Variants in RASAL1 observed in about 807,000 individuals in gnomAD.
The protein encoded by RASAL1 is rasGAP-activating-like protein 1.
RASAL1 carries 72 observed loss-of-function variants against 96.6 expected under a neutral mutation model. The ratio of observed to expected loss-of-function variants is 0.75; its 90% CI spans 0.62 to 0.91. RASAL1 has a LOEUF of 0.91. Ranked by LOEUF, RASAL1 falls within the 40% of genes least tolerant of loss-of-function variation. RASAL1 has a pLI of 0.00. For synonymous variants in RASAL1, 405 were observed against 430.4 expected (o/e 0.94, Z 0.73); for missense variants, 1,016 against 1,072.5 (o/e 0.95, Z 0.74).
chr12:113,115,853 TA>T lies in RASAL1; in HGVS notation c.850-66del. 1.9e-6 allele frequency: 3 copies of T among 1,599,152 alleles called. No homozygotes were observed. The Admixed American group carries it at 5.1e-5, about 27-fold the overall frequency. The stretch of plus-strand genomic sequence containing the variant: ...GGACCCCAAAGCAGATGGGCCTAGA[TA>T]GGGCTCCGTGAGGCAGGGGGAGGCC... On this transcript the variant is annotated intron_variant, in intron 9 of 20. Coordinates refer to ENST00000548055, the MANE Select transcript of RASAL1 (RefSeq NM_001301202.2). This position sits in a 1 kb window ranked among gnomAD's most constrained non-coding sequence, Gnocchi z 4.1.
At position 113,119,236 on chromosome 12, in the gene RASAL1, C is replaced by A. The variant is rs145770939; in HGVS notation, c.534G>T (p.Pro178=). Residue 178 remains proline, a synonymous_variant, in exon 7 of 21, where the codon CCG becomes CCT. Transcript: ENST00000548055. ...ETSTIKKTRF[P]HWDEVLELRE... ...GCAGCTCCAGCACTTCATCCCAGTG[C>A]GGGAAGCGAGTCTTCTTGATGGTCT... 1.2e-6 allele frequency: 2 copies of A among 1,613,462 alleles called. No individual in the cohort carries two copies. The highest frequency in any genetic ancestry group is 1.7e-6 in the Non-Finnish European group (2 of 1,179,520).
rs889096609 is a variant in RASAL1 at position 113,130,333 on chromosome 12, A to G, written c.122+552T>C. 1.3e-5 allele frequency among the ~76,000 whole-genome samples: 2 copies of G among 152,198 alleles called. No homozygotes were observed. Among genetic ancestry groups the G allele is most frequent in the African/African-American group, 4.8e-5 (2 of 41,448 alleles). ...TCAGCTGGCATTGGTGTTCACATGC[A>G]TGTGCAGGGCAGCCATGTGCACGTG... On this transcript the variant is annotated intron_variant, in intron 2 of 20. Transcript: ENST00000548055. The surrounding 1 kb of genome is among the most constrained non-coding windows in gnomAD (Gnocchi z 5.1).
Position 113,105,840 on chromosome 12 carries a change from AAC to A in RASAL1, c.1702_1703del (p.Val568SerfsTer40). Reference sequence around the variant, plus strand: ...TGCGCTTCAGCAGATAGCCTTCTCGAACAATGGCCGAGGGCGGGAACAGGGCC... The same window carrying A: ...TGCGCTTCAGCAGATAGCCTTCTCGAAATGGCCGAGGGCGGGAACAGGGCC... ...ARALFPPSAI[V>X]REGYLLKRKE... On this transcript the variant is annotated frameshift_variant, in exon 16 of 21. Transcript: ENST00000548055. LOFTEE classifies it high-confidence loss of function. The A allele has an allele frequency of 6.2e-7, 1 of 1,614,102 alleles. No homozygotes were observed.
chr12:113,136,245 C>T (rs1389075580), upstream of RASAL1: 1 of 152,112 alleles, frequency 6.6e-6, no homozygotes, highest in East Asian at 1.9e-4. Context: ...AACACAGAAC[C>T]CAGACTCTGC....
At position 113,115,691 on chromosome 12, in the gene RASAL1, C is replaced by T. The variant is rs142414221; in HGVS notation, c.947G>A (p.Arg316Gln). 148 of 1,613,928 alleles carry T rather than the reference C, an allele frequency of 9.2e-5. No individual in the cohort carries two copies. Among genetic ancestry groups the T allele is most frequent in the Non-Finnish European group, 1.2e-4 (137 of 1,180,010 alleles). ...GTCCAGAAAGCGCCCAGCCAGTCCC[C>T]GGCCAAGAAAGAGTTTCACCAGCTT... ...ATKLVKLFLG[R>Q]GLAGRFLDYL... Residue 316 changes from arginine (R) to glutamine (Q), a missense_variant, in exon 10 of 21, where the codon CGG becomes CAG. Transcript: ENST00000548055. The surrounding 1 kb of genome is among the most constrained non-coding windows in gnomAD (Gnocchi z 4.1).
intron 12 of RASAL1, among the ~76,000 whole-genome samples, 154 bp downstream of exon 12, chr12:113,114,646 G>A (rs900129537): frequency 6.6e-5 from 10 of 152,182 alleles, no homozygotes; most frequent in African/African-American, 1.2e-4. Flanking sequence ...GATGGTTTAA[G>A]GGCTTGTGTG....
chr12:113,108,116 T>G lies in RASAL1; in HGVS notation c.1481A>C (p.Gln494Pro). ...AAGCAACAGCAGTGAGCGGCTAGTC[T>G]GGGGGTCCGCGTGTTGGTCCCGAAG... ...FDLRDQHADP[Q>P]TSRSLLLLAK... Residue 494 changes from glutamine to proline, a missense_variant, in exon 14 of 21, where the codon CAG (glutamine) becomes CCG (proline). Coordinates refer to ENST00000548055, the MANE Select transcript of RASAL1 (RefSeq NM_001301202.2). The G allele has an allele frequency of 6.2e-7, 1 of 1,613,624 alleles. No homozygotes were observed. The highest frequency in any genetic ancestry group is 8.5e-7 in the Non-Finnish European group (1 of 1,179,794).
At position 113,135,605 on chromosome 12, in the gene RASAL1, T is replaced by C. The variant is rs1951884571; in HGVS notation, c.-143A>G. On this transcript the variant is annotated 5_prime_UTR_variant, in exon 1 of 21. Transcript: ENST00000548055. This position sits in a 1 kb window ranked among gnomAD's most constrained non-coding sequence, Gnocchi z 5.7. ...CCTGTCCGAGACCCGGGTAGCTGGA[T>C]GGGAGATTTCCGAAAGAGGAGAAGG... 2 of 692,600 alleles carry C rather than the reference T, an allele frequency of 2.9e-6. No homozygotes were observed. The highest frequency in any genetic ancestry group is 1.8e-5 in the African/African-American group (1 of 55,738). 42.9% of individuals were successfully genotyped at this position (692,600 alleles called of 1,614,324 possible).
chr12:113,116,971 G>T (rs1951109830), intron 8 of RASAL1, 102 bp downstream of exon 8: 1 of 848,956 alleles, frequency 1.2e-6, no homozygotes, highest in Admixed American at 2.9e-5. Flanking sequence ...GCATGAAGTG[G>T]CATAGTGATA....
chr12:113,103,916 C>T (rs759888283), intron 18 of RASAL1, 30 bp downstream of exon 18: 2 of 1,544,250 alleles, frequency 1.3e-6, no homozygotes, highest in Non-Finnish European at 1.7e-6. Context: ...GTGGGGAGGG[C>T]GGAGCCTGCA....
chr12:113,133,875 G>A (rs932703320), intron 1 of RASAL1, among the ~76,000 whole-genome samples: 1 of 152,186 alleles, frequency 6.6e-6, no homozygotes, highest in Non-Finnish European at 1.5e-5. Flanking sequence ...AGAGCTGCAG[G>A]AACCAGGCAT....
Position 113,104,178 on chromosome 12 carries a change from T to C in RASAL1, c.1951A>G (p.Thr651Ala), listed in dbSNP as rs762452854. 1 of 1,610,812 alleles carries C rather than the reference T, an allele frequency of 6.2e-7. No homozygotes were observed. The change falls in exon 17 of 21, where the codon ACC becomes GCC. Residue 651 changes from threonine (T) to alanine (A), a missense_variant. By Grantham distance (58) the Thr-to-Ala change is moderately conservative (BLOSUM62 0). Coordinates refer to ENST00000548055, the MANE Select transcript of RASAL1 (RefSeq NM_001301202.2). ...TQDGTGALHT[T>A]YLQCKNVNEL... ...GGTCTCACCTTGCACTGGAGGTAGG[T>C]GGTGTGCAGCGCCCCCGTGCCGTCC...
At chr12:113,106,273 C>T (rs142253370) in intron 15 of RASAL1, among the ~76,000 whole-genome samples, 19 of 152,250 alleles carry the variant, frequency 1.2e-4, no homozygotes, top group African/African-American at 4.6e-4. Flanking sequence ...CATGCCACAG[C>T]CAGGTTCTAC....
chr12:113,112,954 A>AAAAT (rs3038168), intron 12 of RASAL1, among the ~76,000 whole-genome samples: 16,466 of 149,484 alleles, frequency 0.11, 1,090 homozygotes, highest in Middle Eastern at 0.19. Flanking sequence ...TCCATCTCAA[A>AAAAT]AAATAAATAA....
chr12:113,100,704 C>A, intron 19 of RASAL1, 24 bp from the exon 20 acceptor site: 1 of 1,596,540 alleles, frequency 6.3e-7, no homozygotes, highest in Non-Finnish European at 8.6e-7. Flanking sequence ...GGGAGAAAGA[C>A]AAGTCTGGTC....
chr12:113,103,894 G>A (rs1239947283), intron 18 of RASAL1, 52 bp downstream of exon 18: 2 of 1,540,590 alleles, frequency 1.3e-6, no homozygotes, highest in Admixed American at 2.0e-5. Context: ...TGGGACACCC[G>A]CTGATTGACG....
intron 14 of RASAL1, 143 bp from the exon 15 acceptor site, chr12:113,107,384 A>G: frequency 1.0e-6 from 1 of 981,154 alleles, no homozygotes; most frequent in East Asian, 2.7e-5. Flanking sequence ...GCACTTTGGG[A>G]GGCCGAAGTA....
upstream of RASAL1, chr12:113,136,041 C>T (rs1951904838): frequency 6.5e-6 from 1 of 152,960 alleles, no homozygotes; most frequent in Non-Finnish European, 1.5e-5. Context: ...ACCTCTCCGC[C>T]CCCACCCCTC....
intron 4 of RASAL1, 36 bp downstream of exon 4, chr12:113,127,776 G>T: frequency 6.3e-7 from 1 of 1,583,198 alleles, no homozygotes; most frequent in Non-Finnish European, 8.6e-7. Context: ...CCCTGGGCAT[G>T]GCCCCCTCCT....
Sources: allele counts gnomAD v4.1 joint callset (sites outside exome capture counted in the v4.1 genomes callset), GRCh38; gene constraint gnomAD v4.1.1; non-coding constraint Gnocchi (gnomAD v3.1); transcripts MANE v1.5; gene names NCBI Gene and HGNC (gene_info 2026-07-23, HGNC 2026-07-21).